MINDY4: variants seen among roughly 807,000 people sequenced by gnomAD.
MINDY4 encodes the protein probable ubiquitin carboxyl-terminal hydrolase MINDY-4.
In MINDY4, 68 loss-of-function variants were observed where a neutral mutation model predicts 87.0. The observed-to-expected ratio is 0.78, with a 90% CI of 0.64 to 0.96. The LOEUF is 0.96. Ranked by LOEUF, MINDY4 falls within the 40% of genes least tolerant of loss-of-function variation. The pLI, the probability that MINDY4 is intolerant of heterozygous loss-of-function variation, is 0.00. For synonymous variants in MINDY4, 379 were observed against 363.2 expected (o/e 1.04, Z -0.50); for missense variants, 919 against 928.2 (o/e 0.99, Z 0.13).
In MINDY4 at chr7:30,836,510, CAG is replaced by C; in HGVS notation, c.1133-145_1133-144del. 2 of 659,068 alleles carry C rather than the reference CAG, an allele frequency of 3.0e-6. 1 individual carries two copies. Among genetic ancestry groups the C allele is most frequent in the South Asian group, 4.0e-5 (2 of 50,492 alleles). The allele number at this position is 659,068 out of a possible 1,614,324, so 40.8% of individuals were successfully genotyped here. A position where few individuals can be genotyped will look rare whatever the true frequency, so the allele number is the denominator to read the frequency against. ...CGCTAAGGGTCTGGGAACTTCAGAA[CAG>C]AGCTGGGGTGAATGAATGCGGGGAG... On this transcript the variant is annotated intron_variant, in intron 6 of 17. Transcript: ENST00000265299.
At chr7:30,826,267 G>A (rs1302807712) in intron 5 of MINDY4, among the ~76,000 whole-genome samples, 5 of 152,204 alleles carry the variant, frequency 3.3e-5, no homozygotes, top group Admixed American at 2.6e-4. Flanking sequence ...GACACCACGT[G>A]ACATTGCATT....
At chr7:30,826,174 T>G (rs1294731373) in intron 5 of MINDY4, among the ~76,000 whole-genome samples, 6 of 152,214 alleles carry the variant, frequency 3.9e-5, no homozygotes, top group Non-Finnish European at 8.8e-5. Context: ...CACTTATTCT[T>G]ATTTGCAGAA....
intron 6 of MINDY4, among the ~76,000 whole-genome samples, chr7:30,836,087 G>A (rs1469865847): frequency 6.6e-6 from 1 of 152,212 alleles, no homozygotes; most frequent in East Asian, 1.9e-4. Context: ...TCATCTATAA[G>A]TGGGGGTAAT....
intron 15 of MINDY4, among the ~76,000 whole-genome samples, chr7:30,879,971 A>T (rs1790407660): frequency 6.6e-6 from 1 of 152,198 alleles, no homozygotes; most frequent in Non-Finnish European, 1.5e-5. Context: ...GGCATCCTGG[A>T]TTCACTGAAG....
At chr7:30,859,838 C>A (rs1584326502) in intron 13 of MINDY4, among the ~76,000 whole-genome samples, 3 of 152,256 alleles carry the variant, frequency 2.0e-5, no homozygotes, top group African/African-American at 7.2e-5. Context: ...GTCCTAATCT[C>A]CCCTGCCTGA....
rs868062692 is a variant in MINDY4, at chr7:30,850,558, A to G, written c.1547+3A>G. On this transcript the variant is annotated splice_donor_region_variant and intron_variant, in intron 10 of 17. Coordinates refer to ENST00000265299, the MANE Select transcript of MINDY4 (RefSeq NM_032222.3). Reference sequence around the variant, plus strand: ...CGAGAGAGAGCCGTTGTTGCACTGTAAGTGGTTCCGAGGTCTGTGTTGCCG... The same window carrying G: ...CGAGAGAGAGCCGTTGTTGCACTGTGAGTGGTTCCGAGGTCTGTGTTGCCG... 6.3e-7 allele frequency: 1 copy of G among 1,596,790 alleles called. No homozygotes were observed. Among genetic ancestry groups the G allele is most frequent in the Non-Finnish European group, 8.5e-7 (1 of 1,171,426 alleles).
At chr7:30,848,822 A>G (rs919203025) in intron 9 of MINDY4, among the ~76,000 whole-genome samples, 1 of 152,174 alleles carries the variant, frequency 6.6e-6, no homozygotes, top group Non-Finnish European at 1.5e-5. Flanking sequence ...TTCCAGTGTC[A>G]GAGGCTTGGT....
intron 9 of MINDY4, among the ~76,000 whole-genome samples, chr7:30,842,947 C>G (rs1035693044): frequency 1.3e-5 from 2 of 152,218 alleles, no homozygotes; most frequent in South Asian, 2.1e-4. Context: ...GGGACCTCCC[C>G]CATTAAGATA....
chr7:30,822,019 G>A (rs985219268), intron 5 of MINDY4, among the ~76,000 whole-genome samples: 1 of 151,680 alleles, frequency 6.6e-6, no homozygotes, highest in Admixed American at 6.6e-5. Context: ...TATATTAATC[G>A]TATTTATATA....
intron 12 of MINDY4, among the ~76,000 whole-genome samples, chr7:30,856,178 C>T (rs902799622): frequency 1.3e-5 from 2 of 152,228 alleles, no homozygotes; most frequent in Non-Finnish European, 2.9e-5. Flanking sequence ...AGAATAGCCC[C>T]TTCTTCCCAA....
chr7:30,850,119 C>T (rs1378001828), intron 9 of MINDY4, among the ~76,000 whole-genome samples: 1 of 152,204 alleles, frequency 6.6e-6, no homozygotes, highest in Admixed American at 6.5e-5. Flanking sequence ...CCTCCCAGTC[C>T]CTGCCAGAAC....
At chr7:30,881,294 C>T (rs779019924) in intron 15 of MINDY4, among the ~76,000 whole-genome samples, 12 of 152,326 alleles carry the variant, frequency 7.9e-5, no homozygotes, top group South Asian at 6.2e-4. Context: ...ATGCTAGCAA[C>T]GTGCTGAGGG....
chr7:30,882,291 T>C lies in MINDY4; in HGVS notation c.2082T>C (p.Thr694=), dbSNP rs915407658. 5.6e-6 allele frequency: 9 copies of C among 1,613,818 alleles called. No homozygotes were observed. In the Admixed American group the frequency reaches 6.7e-5, roughly 12 times the overall value. ...LQPGLLRDWR[T]ERLFDLYYYD... The stretch of plus-strand genomic sequence containing the variant: ...CGGGGCTCCTGCGTGACTGGAGGAC[T>C]GAGAGGCTCTTTGACTTGTACTACT... The change falls in exon 16 of 18, where the codon ACT becomes ACC. Residue 694 remains threonine, a synonymous_variant. Coordinates refer to ENST00000265299, the MANE Select transcript of MINDY4 (RefSeq NM_032222.3).
intron 14 of MINDY4, 109 bp from the exon 15 acceptor site, chr7:30,875,386 C>T (rs1790226828): frequency 8.1e-7 from 1 of 1,237,164 alleles, no homozygotes. Context: ...CTCTCTCCCT[C>T]CTTGCTTTCC....
intron 15 of MINDY4, 113 bp downstream of exon 15, chr7:30,875,769 G>A (rs1002391186): frequency 1.6e-5 from 20 of 1,239,262 alleles, no homozygotes; most frequent in Admixed American, 4.7e-5. Context: ...GCTGAAATTC[G>A]GGTCCAGTTA....
chr7:30,836,452 G>A (rs1334237555), intron 6 of MINDY4, among the ~76,000 whole-genome samples: 5 of 152,254 alleles, frequency 3.3e-5, no homozygotes, highest in African/African-American at 9.6e-5. Context: ...GTGACAAGGA[G>A]CATGGACTCT....
intron 9 of MINDY4, among the ~76,000 whole-genome samples, chr7:30,845,564 AC>A (rs1789184848): frequency 6.6e-6 from 1 of 150,808 alleles, no homozygotes; most frequent in Admixed American, 6.6e-5. Context: ...TTCTTCAGGA[AC>A]ACCACGATGA....
chr7:30,870,874 G>T (rs1006411261), intron 13 of MINDY4, among the ~76,000 whole-genome samples: 1 of 152,226 alleles, frequency 6.6e-6, no homozygotes, highest in East Asian at 1.9e-4. Flanking sequence ...AAGGAAGGGG[G>T]CCAGGCTCTG....
intron 1 of MINDY4, among the ~76,000 whole-genome samples, chr7:30,776,048 T>A (rs1195686192): frequency 6.6e-6 from 1 of 152,240 alleles, no homozygotes. Context: ...TGCAAACACC[T>A]TGCTCCAAGC....
Sources: gnomAD v4.1 joint callset for allele counts (sites outside exome capture counted in the v4.1 genomes callset) on GRCh38, gnomAD v4.1.1 for gene constraint, MANE v1.5 for transcripts, NCBI Gene and HGNC (gene_info 2026-07-23, HGNC 2026-07-21) for gene names.